Variants in MAN2A1 observed in about 807,000 individuals in gnomAD.
The protein encoded by MAN2A1 is mannosidase alpha class 2A member 1.
Under a neutral mutation model 142.6 loss-of-function variants are expected in MAN2A1, and 76 were observed. The ratio of observed to expected loss-of-function variants is 0.53; its 90% CI spans 0.44 to 0.65. MAN2A1 has a LOEUF of 0.65. Ranked by LOEUF, MAN2A1 falls within the 30% of genes least tolerant of loss-of-function variation. The probability of loss-of-function intolerance (pLI) is 0.00; values close to 1 mark genes in which losing one functional copy is unlikely to be tolerated. For synonymous variants in MAN2A1, 559 were observed against 473.2 expected, an observed-to-expected ratio of 1.18 and a Z score of -2.35; for missense variants, 1,311 against 1,365.1, an observed-to-expected ratio of 0.96 and a Z score of 0.62.
Position 109,868,986 on chromosome 5 carries a change from G to GT in MAN2A1, c.*1991dup, listed in dbSNP as rs1366394331. 1 of 152,174 alleles carries GT rather than the reference G, an allele frequency of 6.6e-6. No homozygotes were observed. Among genetic ancestry groups the GT allele is most frequent in the African/African-American group, 2.4e-5 (1 of 41,434 alleles). 9.4% of individuals were successfully genotyped at this position (152,174 alleles called of 1,614,324 possible). A position where few individuals can be genotyped will look rare whatever the true frequency, so the allele number is the denominator to read the frequency against. ...AACAGTGGTTTTGCCACTTCTGGTTGTTTGCGATGGATCTGTCCCATGTCA... is the reference window on the plus strand; with the variant it reads ...AACAGTGGTTTTGCCACTTCTGGTTGTTTTGCGATGGATCTGTCCCATGTCA... On this transcript the variant is annotated 3_prime_UTR_variant, in exon 22 of 22. Coordinates refer to ENST00000261483, the MANE Select transcript of MAN2A1 (RefSeq NM_002372.4).
At chr5:109,822,427 T>C (rs1025658471) in intron 15 of MAN2A1, among the ~76,000 whole-genome samples, 1 of 152,150 alleles carries the variant, frequency 6.6e-6, no homozygotes, top group South Asian at 2.1e-4. Flanking sequence ...TAATGTCAGA[T>C]AGAAAGATAA....
chr5:109,857,264 A>G (rs1223675957), intron 20 of MAN2A1, among the ~76,000 whole-genome samples: 1 of 152,246 alleles, frequency 6.6e-6, no homozygotes, highest in Admixed American at 6.5e-5. Flanking sequence ...ATAGGATCTC[A>G]AAAACTATTT....
intron 4 of MAN2A1, among the ~76,000 whole-genome samples, chr5:109,749,183 T>G (rs887583812): frequency 2.0e-5 from 3 of 152,190 alleles, no homozygotes; most frequent in Admixed American, 6.6e-5. Context: ...GCTACTAAGT[T>G]GTCTGTAACA....
Position 109,846,041 on chromosome 5 carries a change from G to T in MAN2A1, c.2842+35G>T. On this transcript the variant is annotated intron_variant, in intron 18 of 21. Coordinates refer to ENST00000261483, the MANE Select transcript of MAN2A1 (RefSeq NM_002372.4). ...GCTTACACTCTTTTCCACTCTGAAA[G>T]GTTTCAATTCCAACTGTATACTTTT... 1.9e-6 allele frequency: 3 copies of T among 1,560,562 alleles called. No individual in the cohort carries two copies. The South Asian group carries it at 3.6e-5, about 19-fold the overall frequency.
chr5:109,749,311 C>T (rs1752487837), intron 4 of MAN2A1, among the ~76,000 whole-genome samples: 1 of 152,066 alleles, frequency 6.6e-6, no homozygotes, highest in South Asian at 2.1e-4. Flanking sequence ...TGATTTGCAG[C>T]TTGTTGTGCT....
In MAN2A1 at chr5:109,803,524, C is replaced by G. The variant is rs1039449040; in HGVS notation, c.1944-13749C>G. On this transcript the variant is annotated intron_variant, in intron 12 of 21. Transcript: ENST00000261483. ...ATCTTCATCCATCAAGGACCATAAT[C>G]AGAAAATGCAAATGATGGGGAGGAA... is the stretch of plus-strand genomic sequence containing the variant. Among the ~76,000 whole-genome samples the G allele has an allele frequency of 2.0e-5, 3 of 151,894 alleles. No individual in the cohort carries two copies. The East Asian group carries it at 5.8e-4, about 29-fold the overall frequency.
At chr5:109,863,142 TTA>T (rs1159266997) in intron 20 of MAN2A1, 1 of 152,134 alleles carries the variant, frequency 6.6e-6, no homozygotes, top group Non-Finnish European at 1.5e-5. Flanking sequence ...ATGCTTTAGG[TTA>T]GTAGTGATAT....
At chr5:109,730,161 T>G (rs1228776944) in intron 4 of MAN2A1, among the ~76,000 whole-genome samples, 3 of 152,182 alleles carry the variant, frequency 2.0e-5, no homozygotes, top group African/African-American at 4.8e-5. Flanking sequence ...TTTATTTGCT[T>G]TTTAGTCAGC....
chr5:109,730,137 A>G (rs369330673), intron 4 of MAN2A1, among the ~76,000 whole-genome samples: 3 of 152,188 alleles, frequency 2.0e-5, no homozygotes, highest in Admixed American at 6.6e-5. Flanking sequence ...AATCTTCCAT[A>G]TAGAAAGTAT....
At chr5:109,692,825 T>C (rs1750710304) in intron 1 of MAN2A1, among the ~76,000 whole-genome samples, 1 of 151,554 alleles carries the variant, frequency 6.6e-6, no homozygotes, top group Admixed American at 6.6e-5. Flanking sequence ...TTTCGGGGGA[T>C]GGTTTGGGGA....
chr5:109,753,311 T>C (rs1027041638), intron 4 of MAN2A1, among the ~76,000 whole-genome samples: 1 of 152,188 alleles, frequency 6.6e-6, no homozygotes, highest in Non-Finnish European at 1.5e-5. Context: ...AAAGAACTAA[T>C]TGTATGCATA....
intron 16 of MAN2A1, 51 bp downstream of exon 16, chr5:109,823,888 T>A (rs774934561): frequency 1.9e-5 from 16 of 826,344 alleles, no homozygotes; most frequent in Non-Finnish European, 2.9e-5. Flanking sequence ...GGTTTTTGAA[T>A]TCTTGCTTTT....
chr5:109,789,071 A>T (rs1219423599), intron 11 of MAN2A1, 23 bp downstream of exon 11: 21 of 1,192,864 alleles, frequency 1.8e-5, no homozygotes, highest in Non-Finnish European at 2.4e-5. Flanking sequence ...ATCTATGGTC[A>T]TCATAAAAAT....
chr5:109,829,487 C>A (rs1162418319), intron 16 of MAN2A1, among the ~76,000 whole-genome samples: 1 of 152,190 alleles, frequency 6.6e-6, no homozygotes, highest in Non-Finnish European at 1.5e-5. Context: ...ACACCAAATG[C>A]CTTGAGCATC....
chr5:109,767,855 C>G, intron 6 of MAN2A1, 147 bp downstream of exon 6: 1 of 627,440 alleles, frequency 1.6e-6, no homozygotes, highest in Non-Finnish European at 2.7e-6. Flanking sequence ...ATTATTTTTC[C>G]CATGTGCCTG....
rs568957351 is a variant in MAN2A1, at chr5:109,706,848, C to T, written c.136-6672C>T. 2.2e-4 allele frequency among the ~76,000 whole-genome samples: 33 copies of T among 152,098 alleles called. No homozygotes were observed. The South Asian group carries it at 6.0e-3, about 28-fold the overall frequency. ...TTTTGTTTCTTTTGAATGCTGCTATCGGTGGGTATATTATAAACATATATA... is the reference window on the plus strand; with the variant it reads ...TTTTGTTTCTTTTGAATGCTGCTATTGGTGGGTATATTATAAACATATATA... On this transcript the variant is annotated intron_variant, in intron 1 of 21. Transcript: ENST00000261483.
At chr5:109,728,705 A>G (rs1198623485) in intron 3 of MAN2A1, among the ~76,000 whole-genome samples, 1 of 152,158 alleles carries the variant, frequency 6.6e-6, no homozygotes, top group Non-Finnish European at 1.5e-5. Flanking sequence ...ATGCATTCGC[A>G]TTTGTTGTTT....
At position 109,775,055 on chromosome 5, in the gene MAN2A1, C is replaced by G. The variant is rs1424664320; in HGVS notation, c.1374+90C>G. 5 of 844,980 alleles carry G rather than the reference C, an allele frequency of 5.9e-6. No homozygotes were observed. In the Admixed American group the frequency reaches 1.5e-4, roughly 25 times the overall value. 52.3% of individuals were successfully genotyped at this position (844,980 alleles called of 1,614,324 possible). ...AACAGAAATCCTTAGCTTCTTTGTC[C>G]TACATCACAGTGCTTCTTAGAATAT... On this transcript the variant is annotated intron_variant, in intron 8 of 21. Coordinates refer to ENST00000261483, the MANE Select transcript of MAN2A1 (RefSeq NM_002372.4).
chr5:109,699,212 TCTTC>T (rs1750902528), intron 1 of MAN2A1, among the ~76,000 whole-genome samples: 1 of 152,206 alleles, frequency 6.6e-6, no homozygotes, highest in Non-Finnish European at 1.5e-5. Context: ...ACTCAATTTC[TCTTC>T]CTTCTCATTT....
Sources: gnomAD v4.1 joint callset for allele counts (sites outside exome capture counted in the v4.1 genomes callset) on GRCh38, gnomAD v4.1.1 for gene constraint, MANE v1.5 for transcripts, NCBI Gene and HGNC (gene_info 2026-07-23, HGNC 2026-07-21) for gene names.